Variants in MGAT5B observed in about 807,000 individuals in gnomAD.
MGAT5B encodes the protein N-acetylglucosaminyl-transferase Vb.
In MGAT5B, 54 loss-of-function variants were observed where a neutral mutation model predicts 95.1. That is an observed-to-expected ratio of 0.57 (90% CI 0.46 to 0.71). The LOEUF (loss-of-function observed/expected upper bound fraction) is 0.71, where lower values mean the gene tolerates loss of function less well. MGAT5B is among the 30% of genes least tolerant of loss of function. MGAT5B has a pLI of 0.00. For synonymous variants in MGAT5B, 464 were observed against 451.0 expected, an observed-to-expected ratio of 1.03 and a Z score of -0.36; for missense variants, 935 against 1,088.6, an observed-to-expected ratio of 0.86 and a Z score of 1.99.
intron 3 of MGAT5B, among the ~76,000 whole-genome samples, chr17:76,888,583 A>G (rs926088680): frequency 6.6e-6 from 1 of 152,084 alleles, no homozygotes; most frequent in East Asian, 1.9e-4. Flanking sequence ...AAATCAGGAG[A>G]GGGAGTCAGA....
chr17:76,910,096 G>A (rs754267792), intron 8 of MGAT5B, among the ~76,000 whole-genome samples: 12 of 152,150 alleles, frequency 7.9e-5, no homozygotes, highest in East Asian at 1.9e-4. Context: ...CTGTCCCCGA[G>A]TGCTAGTGCT....
chr17:76,913,385 C>G (rs1268236930), intron 8 of MGAT5B, among the ~76,000 whole-genome samples: 1 of 152,232 alleles, frequency 6.6e-6, no homozygotes, highest in African/African-American at 2.4e-5. Context: ...TTGAGCTGAC[C>G]AGAACCAGGC....
intron 9 of MGAT5B, 90 bp downstream of exon 9, chr17:76,925,187 C>T (rs1969266412): frequency 2.6e-6 from 4 of 1,531,176 alleles, no homozygotes; most frequent in Non-Finnish European, 3.5e-6. Flanking sequence ...CCCCACTCAG[C>T]CAGCTGGGCC....
intron 1 of MGAT5B, among the ~76,000 whole-genome samples, chr17:76,871,032 G>A (rs1966991602): frequency 6.6e-6 from 1 of 152,102 alleles, no homozygotes; most frequent in South Asian, 2.1e-4. Flanking sequence ...GGCTGAAGGG[G>A]GTAGACACCT....
In MGAT5B at chr17:76,905,463, T is replaced by G; in HGVS notation, c.855+130T>G. The stretch of plus-strand genomic sequence containing the variant: ...GAATTTGATCAGAGGGAGAGAGGGG[T>G]AGGGATGGCAGAGTCGGGATAGATG... On this transcript the variant is annotated intron_variant, in intron 7 of 17. Coordinates refer to ENST00000569840, the MANE Select transcript of MGAT5B (RefSeq NM_001199172.2). This position sits in a 1 kb window ranked among gnomAD's most constrained non-coding sequence, Gnocchi z 4.2. 3.6e-6 allele frequency: 3 copies of G among 843,102 alleles called. No homozygotes were observed. The highest frequency in any genetic ancestry group is 5.3e-6 in the Non-Finnish European group (3 of 570,086). The allele number at this position is 843,102 out of a possible 1,614,324, so 52.2% of individuals were successfully genotyped here. A position where few individuals can be genotyped will look rare whatever the true frequency, so the allele number is the denominator to read the frequency against.
chr17:76,922,516 G>A (rs1008095053), intron 8 of MGAT5B, among the ~76,000 whole-genome samples: 1 of 152,178 alleles, frequency 6.6e-6, no homozygotes, highest in Non-Finnish European at 1.5e-5. Context: ...GAAACAACAG[G>A]GATGTCTTGC....
intron 3 of MGAT5B, among the ~76,000 whole-genome samples, chr17:76,900,077 A>T (rs1968249751): frequency 6.6e-6 from 1 of 152,072 alleles, no homozygotes; most frequent in Admixed American, 6.5e-5. Context: ...AGCTGCCCTT[A>T]TGTCTTAAAA....
chr17:76,932,516 G>A (rs926583307), intron 10 of MGAT5B, 129 bp from the exon 11 acceptor site: 69 of 1,363,852 alleles, frequency 5.1e-5, no homozygotes, highest in Non-Finnish European at 6.8e-5. Context: ...CCTCCCCACC[G>A]CACCCTGTGC....
intron 15 of MGAT5B, 40 bp from the exon 16 acceptor site, chr17:76,946,336 G>T: frequency 6.4e-7 from 1 of 1,558,362 alleles, no homozygotes; most frequent in Non-Finnish European, 8.8e-7. Flanking sequence ...CGACGGCTGG[G>T]CCTTCTCCCG....
Position 76,906,299 on chromosome 17 carries a change from A to AGGGT in MGAT5B, c.1025+112_1025+113insGGGT. ...AGCACCTGCTCTGCCTGCAGGTCCC[A>AGGGT]CGGCCCTGAGACCCTGGGAGACATC... On this transcript the variant is annotated intron_variant, in intron 8 of 17. Coordinates refer to ENST00000569840, the MANE Select transcript of MGAT5B (RefSeq NM_001199172.2). This position sits in a 1 kb window ranked among gnomAD's most constrained non-coding sequence, Gnocchi z 4.6. 9.4e-7 allele frequency: 1 copy of AGGGT among 1,059,624 alleles called. No individual in the cohort carries two copies. The highest frequency in any genetic ancestry group is 1.3e-6 in the Non-Finnish European group (1 of 755,200). The allele number at this position is 1,059,624 out of a possible 1,614,324, so 65.6% of individuals were successfully genotyped here. A position where few individuals can be genotyped will look rare whatever the true frequency, so the allele number is the denominator to read the frequency against.
In MGAT5B at chr17:76,917,203, C is replaced by T. The variant is rs548471800; in HGVS notation, c.1026-7763C>T. Among the ~76,000 whole-genome samples the T allele has an allele frequency of 2.0e-5, 3 of 152,282 alleles. No homozygotes were observed. Among genetic ancestry groups the T allele is most frequent in the African/African-American group, 4.8e-5 (2 of 41,558 alleles). ...ACACACAGGCCAGTGGCTCGGGATACGAGTGCGCTGACTGATGAGCCAGGC... is the reference window on the plus strand; with the variant it reads ...ACACACAGGCCAGTGGCTCGGGATATGAGTGCGCTGACTGATGAGCCAGGC... On this transcript the variant is annotated intron_variant, in intron 8 of 17. Coordinates refer to ENST00000569840, the MANE Select transcript of MGAT5B (RefSeq NM_001199172.2). This position sits in a 1 kb window ranked among gnomAD's most constrained non-coding sequence, Gnocchi z 6.1.
rs1270461442 is a variant in MGAT5B, at chr17:76,930,823, C to T, written c.1292-1822C>T. On this transcript the variant is annotated intron_variant, in intron 10 of 17. Coordinates refer to ENST00000569840, the MANE Select transcript of MGAT5B (RefSeq NM_001199172.2). The surrounding 1 kb of genome is among the most constrained non-coding windows in gnomAD (Gnocchi z 4.1). Reference sequence around the variant, plus strand: ...TGGGGCCACAAAGGGAGGCACAGTCCACCCAAGAGAAGGCTTCCAGGAGGA... The same window carrying T: ...TGGGGCCACAAAGGGAGGCACAGTCTACCCAAGAGAAGGCTTCCAGGAGGA... 6.6e-6 allele frequency among the ~76,000 whole-genome samples: 1 copy of T among 152,168 alleles called. No homozygotes were observed. Among genetic ancestry groups the T allele is most frequent in the African/African-American group, 2.4e-5 (1 of 41,430 alleles).
chr17:76,902,731 G>T, intron 4 of MGAT5B, 61 bp downstream of exon 4: 4 of 1,182,414 alleles, frequency 3.4e-6, no homozygotes, highest in Non-Finnish European at 4.9e-6. Flanking sequence ...TGGGTGCTGG[G>T]TGGGCCCTGG....
At chr17:76,888,587 A>C (rs1256986053) in intron 3 of MGAT5B, among the ~76,000 whole-genome samples, 1 of 152,112 alleles carries the variant, frequency 6.6e-6, no homozygotes, top group Non-Finnish European at 1.5e-5. Context: ...CAGGAGAGGG[A>C]GTCAGAATTA....
At chr17:76,887,212 C>CCA (rs1410074532) in intron 3 of MGAT5B, among the ~76,000 whole-genome samples, 2 of 152,120 alleles carry the variant, frequency 1.3e-5, no homozygotes, top group African/African-American at 4.8e-5. Flanking sequence ...TCAGGATCCC[C>CCA]TTCTCTCCCA....
chr17:76,929,723 T>G (rs1268196464), intron 10 of MGAT5B, among the ~76,000 whole-genome samples: 4 of 151,706 alleles, frequency 2.6e-5, no homozygotes, highest in South Asian at 2.1e-4. Flanking sequence ...AGCAGGCCTG[T>G]TCCCATCTAG....
rs556166719 is a variant in MGAT5B, at chr17:76,917,245, C to T, written c.1026-7721C>T. Among the ~76,000 whole-genome samples the T allele has an allele frequency of 2.6e-5, 4 of 152,148 alleles. No homozygotes were observed. Among genetic ancestry groups the T allele is most frequent in the Admixed American group, 6.6e-5 (1 of 15,262 alleles). On this transcript the variant is annotated intron_variant, in intron 8 of 17. Coordinates refer to ENST00000569840, the MANE Select transcript of MGAT5B (RefSeq NM_001199172.2). This position sits in a 1 kb window ranked among gnomAD's most constrained non-coding sequence, Gnocchi z 6.1. Reference sequence around the variant, plus strand: ...GAGCCAGGCAGGTCCGAATGTTCCTCGAAGTCAGTTTCTTTGCTGTGTCTC... The same window carrying T: ...GAGCCAGGCAGGTCCGAATGTTCCTTGAAGTCAGTTTCTTTGCTGTGTCTC...
At chr17:76,895,893 G>T (rs901688885) in intron 3 of MGAT5B, among the ~76,000 whole-genome samples, 3 of 152,120 alleles carry the variant, frequency 2.0e-5, no homozygotes, top group East Asian at 1.9e-4. Flanking sequence ...TCTACAAGGG[G>T]TTTTTTTGTC....
rs1966988763 is a variant in MGAT5B, at chr17:76,870,931, C to T, written c.68+1834C>T. On this transcript the variant is annotated intron_variant, in intron 1 of 17. Coordinates refer to ENST00000569840, the MANE Select transcript of MGAT5B (RefSeq NM_001199172.2). This position sits in a 1 kb window ranked among gnomAD's most constrained non-coding sequence, Gnocchi z 5.0. ...TTTAACTTGAATCCACTCCAAATGG[C>T]CCCCAGCTGCCTTGGGGGACATTGA... Among the ~76,000 whole-genome samples the T allele has an allele frequency of 6.6e-6, 1 of 152,046 alleles. No individual in the cohort carries two copies. The highest frequency in any genetic ancestry group is 1.5e-5 in the Non-Finnish European group (1 of 68,004).
Sources: allele counts gnomAD v4.1 joint callset (sites outside exome capture counted in the v4.1 genomes callset), GRCh38; gene constraint gnomAD v4.1.1; non-coding constraint Gnocchi (gnomAD v3.1); transcripts MANE v1.5; gene names NCBI Gene and HGNC (gene_info 2026-07-23, HGNC 2026-07-21).